Variants in TRAPPC11 observed in about 807,000 individuals in gnomAD.
The protein encoded by TRAPPC11 is trafficking protein particle complex subunit 11.
In TRAPPC11, 104 loss-of-function variants were observed where a neutral mutation model predicts 151.2. The observed-to-expected ratio is 0.69, with a 90% CI of 0.59 to 0.81. The LOEUF is 0.81. TRAPPC11 is among the 30% of genes least tolerant of loss of function. The probability of loss-of-function intolerance (pLI) is 0.00; values close to 1 mark genes in which losing one functional copy is unlikely to be tolerated. For missense variants in TRAPPC11, 1,230 were observed against 1,349.6 expected (o/e 0.91, Z 1.39); for synonymous variants, 456 against 472.3 (o/e 0.97, Z 0.45).
chr4:183,703,190 T>C (rs1332986381), intron 26 of TRAPPC11, among the ~76,000 whole-genome samples: 3 of 152,158 alleles, frequency 2.0e-5, no homozygotes, highest in South Asian at 2.1e-4. Flanking sequence ...AAAAGACAAC[T>C]GTAGGCCAGC....
chr4:183,706,723 C>T (rs1278778917), intron 27 of TRAPPC11, 84 bp from the exon 28 acceptor site: 14 of 1,441,918 alleles, frequency 9.7e-6, no homozygotes, highest in Admixed American at 7.9e-5. Context: ...ACTATGTCCA[C>T]AGAATGAGAT....
chr4:183,674,950 A>T, intron 6 of TRAPPC11, 138 bp downstream of exon 6: 2 of 620,988 alleles, frequency 3.2e-6, no homozygotes, highest in South Asian at 5.5e-5. Flanking sequence ...GCTTTTAAAA[A>T]TTAATTTGTT....
intron 21 of TRAPPC11, 40 bp downstream of exon 21, chr4:183,693,777 A>G: frequency 1.2e-6 from 2 of 1,605,880 alleles, no homozygotes; most frequent in South Asian, 1.1e-5. Context: ...GTATTAATCC[A>G]ACATTAAATA....
At chr4:183,699,041 C>T (rs1736678866) in intron 25 of TRAPPC11, among the ~76,000 whole-genome samples, 1 of 152,162 alleles carries the variant, frequency 6.6e-6, no homozygotes, top group Non-Finnish European at 1.5e-5. Context: ...TCTTCCCTAT[C>T]CTGCCTTTCA....
chr4:183,680,219 C>T lies in TRAPPC11; in HGVS notation c.1065C>T (p.Tyr355=). 1 of 1,614,062 alleles carries T rather than the reference C, an allele frequency of 6.2e-7. No homozygotes were observed. The highest frequency in any genetic ancestry group is 8.5e-7 in the Non-Finnish European group (1 of 1,179,980). Residue 355 remains tyrosine (Y), a synonymous_variant, in exon 10 of 30, where the codon TAC becomes TAT. Coordinates refer to ENST00000334690, the MANE Select transcript of TRAPPC11 (RefSeq NM_021942.6). The part of the protein sequence containing the change: ...NPGFYYQQAA[Y]YAQERKQLAK... ...GTTTCTATTACCAGCAGGCAGCATACTATGCCCAGGAGCGGAAACAGCTTG... is the reference window on the plus strand; with the variant it reads ...GTTTCTATTACCAGCAGGCAGCATATTATGCCCAGGAGCGGAAACAGCTTG...
intron 18 of TRAPPC11, among the ~76,000 whole-genome samples, chr4:183,689,837 A>G (rs1736167008): frequency 6.6e-6 from 1 of 151,960 alleles, no homozygotes. Flanking sequence ...TTAAAAACTA[A>G]TAACGCTAAA....
chr4:183,661,530 C>T (rs1212164207), intron 1 of TRAPPC11, among the ~76,000 whole-genome samples: 1 of 151,018 alleles, frequency 6.6e-6, no homozygotes, highest in East Asian at 2.0e-4. Context: ...CACCACCATA[C>T]TCGGCTAATT....
rs1561070274 is a variant in TRAPPC11 at position 183,713,512 on chromosome 4, C to T, written c.*868C>T. The T allele has an allele frequency of 6.6e-6, 1 of 152,490 alleles. No homozygotes were observed. Among genetic ancestry groups the T allele is most frequent in the Non-Finnish European group, 1.5e-5 (1 of 68,020 alleles). 9.4% of individuals were successfully genotyped at this position (152,490 alleles called of 1,614,324 possible). A position where few individuals can be genotyped will look rare whatever the true frequency, so the allele number is the denominator to read the frequency against. The stretch of plus-strand genomic sequence containing the variant: ...TAATAATTTAAAATGACCTGATTTC[C>T]TGGAAAATTTTATTATTCAAAAGGT... On this transcript the variant is annotated 3_prime_UTR_variant, in exon 30 of 30. Transcript: ENST00000334690.
At chr4:183,665,108 T>TTC (rs1298053601) in intron 2 of TRAPPC11, among the ~76,000 whole-genome samples, 7 of 147,518 alleles carry the variant, frequency 4.7e-5, no homozygotes, top group Non-Finnish European at 1.0e-4. Context: ...TTTTTTTTTT[T>TTC]TTTTGAGACG....
At position 183,677,459 on chromosome 4, in the gene TRAPPC11, A is replaced by G; in HGVS notation, c.736A>G (p.Asn246Asp). ...LKQDTQNALK[N>D]YRTAYNLVHE... The stretch of plus-strand genomic sequence containing the variant: ...TCATTAACCACCCTCCTCATTTAGG[A>G]ATTATAGGACCGCCTATAATCTTGT... The change falls in exon 8 of 30, where the codon AAT (asparagine) becomes GAT (aspartate). Residue 246 changes from asparagine to aspartate, a missense_variant and splice_region_variant. Physicochemically the swap from Asn to Asp is conservative, Grantham distance 23. Coordinates refer to ENST00000334690, the MANE Select transcript of TRAPPC11 (RefSeq NM_021942.6). 1 of 1,574,780 alleles carries G rather than the reference A, an allele frequency of 6.4e-7. No individual in the cohort carries two copies. Among genetic ancestry groups the G allele is most frequent in the Non-Finnish European group, 8.7e-7 (1 of 1,148,122 alleles).
chr4:183,665,900 A>G (rs74727167), intron 2 of TRAPPC11, among the ~76,000 whole-genome samples: 3,310 of 151,802 alleles, frequency 0.022, 68 homozygotes, highest in East Asian at 0.079. Context: ...GGTGAAGAAT[A>G]TAAGTAGAAT....
At chr4:183,711,030 C>CA (rs1203586963) in intron 29 of TRAPPC11, among the ~76,000 whole-genome samples, 117 of 139,588 alleles carry the variant, frequency 8.4e-4, no homozygotes, top group Middle Eastern at 7.3e-3. Flanking sequence ...GATGCTGTCT[C>CA]AAAAAAAAAA....
At position 183,686,818 on chromosome 4, in the gene TRAPPC11, G is replaced by A. The variant is rs1735995728; in HGVS notation, c.1893+70G>A. On this transcript the variant is annotated intron_variant, in intron 18 of 29. Transcript: ENST00000334690. ...TAGCTTATGTTAAACTAGATAAAAT[G>A]AGCTTAGTGAATTTTATGTCTTAAT... 11 of 1,511,832 alleles carry A rather than the reference G, an allele frequency of 7.3e-6. No homozygotes were observed. The South Asian group carries it at 9.5e-5, about 13-fold the overall frequency. The allele number at this position is 1,511,832 out of a possible 1,614,324, so 93.7% of individuals were successfully genotyped here.
intron 10 of TRAPPC11, among the ~76,000 whole-genome samples, chr4:183,680,689 T>A (rs1735635134): frequency 6.9e-6 from 1 of 144,098 alleles, no homozygotes; most frequent in South Asian, 2.2e-4. Context: ...CTTTTTTTTT[T>A]TTTTTTTTTT....
intron 26 of TRAPPC11, among the ~76,000 whole-genome samples, chr4:183,704,357 C>A (rs1736944266): frequency 6.6e-6 from 1 of 151,750 alleles, no homozygotes; most frequent in East Asian, 1.9e-4. Flanking sequence ...CTCGTCTCTG[C>A]TAAAAATACA....
chr4:183,685,235 A>G (rs373847198), intron 16 of TRAPPC11, 36 bp from the exon 17 acceptor site: 55 of 1,609,966 alleles, frequency 3.4e-5, no homozygotes, highest in Middle Eastern at 1.7e-4. Flanking sequence ...TTTTTATTCA[A>G]CTAGTTGAAT....
chr4:183,693,134 C>G lies in TRAPPC11; in HGVS notation c.2224C>G (p.Gln742Glu). Residue 742 changes from glutamine to glutamate, a missense_variant, in exon 20 of 30, where the codon CAG becomes GAG. Coordinates refer to ENST00000334690, the MANE Select transcript of TRAPPC11 (RefSeq NM_021942.6). ...NEVHWDSIII[Q>E]ASTMIISRVP... ...AGTTCACTGGGACAGCATTATAATT[C>G]AGGCAAGCACAATGTAAGTCTGCTT... 3 of 1,598,900 alleles carry G rather than the reference C, an allele frequency of 1.9e-6. No homozygotes were observed. The highest frequency in any genetic ancestry group is 2.6e-6 in the Non-Finnish European group (3 of 1,170,706).
intron 10 of TRAPPC11, among the ~76,000 whole-genome samples, chr4:183,682,476 A>T (rs1735747512): frequency 6.6e-6 from 1 of 152,236 alleles, no homozygotes; most frequent in African/African-American, 2.4e-5. Flanking sequence ...ATTAGAGCAA[A>T]GATTAAAAAA....
intron 23 of TRAPPC11, 149 bp downstream of exon 23, chr4:183,694,872 C>A: frequency 1.3e-6 from 1 of 757,534 alleles, no homozygotes; most frequent in Non-Finnish European, 2.0e-6. Context: ...TAAAAAATCA[C>A]TTATATTGAG....
Sources: allele counts gnomAD v4.1 joint callset (sites outside exome capture counted in the v4.1 genomes callset), GRCh38; gene constraint gnomAD v4.1.1; transcripts MANE v1.5; gene names NCBI Gene and HGNC (gene_info 2026-07-23, HGNC 2026-07-21).